CYB5R4: variants seen among roughly 807,000 people sequenced by gnomAD.
The protein encoded by CYB5R4 is cytochrome b5 reductase 4.
A neutral mutation model predicts 70.2 loss-of-function variants in CYB5R4; 55 were observed. That is an observed-to-expected ratio of 0.78 (90% confidence interval 0.63 to 0.98). CYB5R4 has a LOEUF of 0.98. CYB5R4 is among the 50% of genes least tolerant of loss of function. The probability of loss-of-function intolerance (pLI) is 0.00; values close to 1 mark genes in which losing one functional copy is unlikely to be tolerated. For missense variants in CYB5R4, 562 were observed against 612.6 expected, an observed-to-expected ratio of 0.92 and a Z score of 0.87; for synonymous variants, 197 against 199.5, an observed-to-expected ratio of 0.99 and a Z score of 0.11.
intron 2 of CYB5R4, among the ~76,000 whole-genome samples, chr6:83,886,968 A>G (rs542459466): frequency 6.6e-6 from 1 of 152,294 alleles, no homozygotes; most frequent in Admixed American, 6.5e-5. Context: ...GTTTTTACAC[A>G]CAGACTTTCA....
chr6:83,869,823 CA>C (rs796657002), intron 2 of CYB5R4, among the ~76,000 whole-genome samples: 132 of 139,844 alleles, frequency 9.4e-4, no homozygotes, highest in South Asian at 1.6e-3. Flanking sequence ...AACTTCGTCT[CA>C]AAAAAAAAAA....
intron 2 of CYB5R4, among the ~76,000 whole-genome samples, chr6:83,867,743 A>G (rs2099456953): frequency 6.6e-6 from 1 of 152,226 alleles, no homozygotes; most frequent in South Asian, 2.1e-4. Context: ...TATGCACAGC[A>G]TGACTCAGCG....
intron 3 of CYB5R4, among the ~76,000 whole-genome samples, chr6:83,901,135 A>G (rs570876803): frequency 4.5e-4 from 68 of 152,120 alleles, no homozygotes; most frequent in African/African-American, 1.6e-3. Flanking sequence ...TGCTCCCTTC[A>G]GGAGCTCTTT....
chr6:83,959,737 T>C (rs899554057), intron 15 of CYB5R4, 87 bp from the exon 16 acceptor site: 3 of 1,135,746 alleles, frequency 2.6e-6, no homozygotes, highest in African/African-American at 1.6e-5. Context: ...AATGAAAAAG[T>C]ATCATGATTA....
At chr6:83,956,819 G>A (rs1435828674) in intron 15 of CYB5R4, among the ~76,000 whole-genome samples, 3 of 151,382 alleles carry the variant, frequency 2.0e-5, no homozygotes, top group Admixed American at 2.0e-4. Flanking sequence ...ACGATATATG[G>A]GGTTAAATAA....
At chr6:83,874,915 C>G (rs150171963) in intron 2 of CYB5R4, among the ~76,000 whole-genome samples, 1 of 151,950 alleles carries the variant, frequency 6.6e-6, no homozygotes, top group Admixed American at 6.6e-5. Context: ...CTCCGCCTCC[C>G]AGGTTCAAAC....
intron 14 of CYB5R4, among the ~76,000 whole-genome samples, chr6:83,947,878 T>A (rs2099470873): frequency 6.6e-6 from 1 of 152,146 alleles, no homozygotes; most frequent in Non-Finnish European, 1.5e-5. Flanking sequence ...AACAACATGC[T>A]GGAGAGGGTG....
At chr6:83,950,219 C>A (rs1328177347) in intron 14 of CYB5R4, among the ~76,000 whole-genome samples, 1 of 152,082 alleles carries the variant, frequency 6.6e-6, no homozygotes, top group Non-Finnish European at 1.5e-5. Flanking sequence ...CAAATTTTAT[C>A]CAAATGTGTT....
chr6:83,871,238 C>A (rs1387847765), intron 2 of CYB5R4, among the ~76,000 whole-genome samples: 2 of 152,060 alleles, frequency 1.3e-5, no homozygotes, highest in Admixed American at 1.3e-4. Flanking sequence ...CTTGGCCTCC[C>A]AGACTGCTGG....
At chr6:83,861,608 G>C (rs2099455942) in intron 1 of CYB5R4, among the ~76,000 whole-genome samples, 1 of 152,162 alleles carries the variant, frequency 6.6e-6, no homozygotes, top group Admixed American at 6.5e-5. Flanking sequence ...AGGTTAATTG[G>C]TGTGTCTAAA....
intron 2 of CYB5R4, among the ~76,000 whole-genome samples, chr6:83,892,405 A>C (rs2099461244): frequency 6.6e-6 from 1 of 152,058 alleles, no homozygotes; most frequent in South Asian, 2.1e-4. Context: ...CATCATATAA[A>C]GAGGAAATAG....
chr6:83,954,933 A>G (rs2099472103), intron 14 of CYB5R4, among the ~76,000 whole-genome samples: 1 of 150,780 alleles, frequency 6.6e-6, no homozygotes, highest in South Asian at 2.1e-4. Context: ...TTTTGTAGAA[A>G]CTAGGTCTCA....
At chr6:83,916,647 G>A (rs546936953) in intron 5 of CYB5R4, among the ~76,000 whole-genome samples, 28 of 152,228 alleles carry the variant, frequency 1.8e-4, no homozygotes, top group African/African-American at 6.5e-4. Flanking sequence ...TGAAAATAGT[G>A]TTCTGCAGAG....
chr6:83,925,619 G>A (rs1358296927), intron 10 of CYB5R4, among the ~76,000 whole-genome samples: 7 of 151,976 alleles, frequency 4.6e-5, no homozygotes, highest in Admixed American at 2.0e-4. Context: ...AAGTGTTTTG[G>A]AATTTCACAA....
chr6:83,872,874 G>A (rs1401409646), intron 2 of CYB5R4, among the ~76,000 whole-genome samples: 1 of 152,144 alleles, frequency 6.6e-6, no homozygotes, highest in African/African-American at 2.4e-5. Flanking sequence ...TATATGACAG[G>A]GAGTAGTTCC....
At chr6:83,880,154 G>A (rs1469531264) in intron 2 of CYB5R4, among the ~76,000 whole-genome samples, 1 of 152,156 alleles carries the variant, frequency 6.6e-6, no homozygotes, top group Non-Finnish European at 1.5e-5. Flanking sequence ...GCTACCATGT[G>A]TCATTTTAGT....
chr6:83,898,457 G>A (rs2099462300), intron 3 of CYB5R4, among the ~76,000 whole-genome samples: 2 of 151,998 alleles, frequency 1.3e-5, no homozygotes, highest in Admixed American at 1.3e-4. Context: ...GCTCTTTTTT[G>A]GTTCCATGTG....
At chr6:83,918,864 C>T (rs946368475) in intron 6 of CYB5R4, among the ~76,000 whole-genome samples, 3 of 151,964 alleles carry the variant, frequency 2.0e-5, no homozygotes, top group African/African-American at 7.2e-5. Context: ...ACTAAGGATG[C>T]CCTCTGTAAA....
chr6:83,907,823 G>T (rs896944181), intron 3 of CYB5R4, among the ~76,000 whole-genome samples: 6 of 152,022 alleles, frequency 3.9e-5, no homozygotes, highest in African/African-American at 1.5e-4. Flanking sequence ...CTTTTTTATG[G>T]CTGCCTAGTA....
Sources: gnomAD v4.1 joint callset for allele counts (sites outside exome capture counted in the v4.1 genomes callset) on GRCh38, gnomAD v4.1.1 for gene constraint, MANE v1.5 for transcripts, NCBI Gene and HGNC (gene_info 2026-07-23, HGNC 2026-07-21) for gene names.